The following SYNDIG1 variants were observed in gnomAD, a reference collection of about 807,000 sequenced individuals.
SYNDIG1 encodes synapse differentiation-inducing gene protein 1.
In SYNDIG1, 9 loss-of-function variants were observed where a neutral mutation model predicts 19.4. That is an observed-to-expected ratio of 0.46 (90% CI 0.28 to 0.81). SYNDIG1 has a LOEUF of 0.81. SYNDIG1 is among the 30% of genes least tolerant of loss of function. The pLI is 0.12. For missense variants in SYNDIG1, 311 were observed against 343.3 expected (o/e 0.91, Z 0.74); for synonymous variants, 141 against 145.9 (o/e 0.97, Z 0.24).
chr20:24,654,692 G>GGAAA (rs1568718681), intron 3 of SYNDIG1, among the ~76,000 whole-genome samples: 14 of 150,638 alleles, frequency 9.3e-5, no homozygotes, highest in African/African-American at 3.4e-4. Context: ...AAGGAAGGAA[G>GGAAA]GAAGGAAGAG....
intron 1 of SYNDIG1, among the ~76,000 whole-genome samples, chr20:24,483,574 G>C (rs906114981): frequency 6.6e-6 from 1 of 152,192 alleles, no homozygotes; most frequent in Non-Finnish European, 1.5e-5. Flanking sequence ...TTGAAAGAGC[G>C]TGCTCTGCAT....
chr20:24,510,841 C>A (rs1327675750), intron 1 of SYNDIG1, among the ~76,000 whole-genome samples: 1 of 152,166 alleles, frequency 6.6e-6, no homozygotes, highest in Non-Finnish European at 1.5e-5. Flanking sequence ...GAGACCTTCT[C>A]ATTTTTATCT....
Position 24,633,700 on chromosome 20 carries a change from C to T in SYNDIG1, c.619-31646C>T, listed in dbSNP as rs143458308. Among the ~76,000 whole-genome samples, 320 of 152,242 alleles carry T rather than the reference C, an allele frequency of 2.1e-3. 2 individuals are homozygous for T. The highest frequency in any genetic ancestry group is 7.2e-3 in the African/African-American group (301 of 41,522). The stretch of plus-strand genomic sequence containing the variant: ...CGTCAGCTCCCAAGACCTGCTGACT[C>T]GGAAGCTCTGGGGACGGGGCTGGCA... On this transcript the variant is annotated intron_variant, in intron 3 of 3. Coordinates refer to ENST00000376862, the MANE Select transcript of SYNDIG1 (RefSeq NM_024893.3).
At chr20:24,534,232 G>A (rs1330380558) in intron 1 of SYNDIG1, among the ~76,000 whole-genome samples, 1 of 152,166 alleles carries the variant, frequency 6.6e-6, no homozygotes, top group Non-Finnish European at 1.5e-5. Flanking sequence ...CCTGGTTGAT[G>A]TGACTTTGTC....
intron 3 of SYNDIG1, among the ~76,000 whole-genome samples, chr20:24,644,696 A>G (rs1671850408): frequency 6.6e-6 from 1 of 152,242 alleles, no homozygotes; most frequent in African/African-American, 2.4e-5. Flanking sequence ...TCAGCCCAGG[A>G]ACCAGCTATC....
At chr20:24,650,875 G>A (rs1366569958) in intron 3 of SYNDIG1, among the ~76,000 whole-genome samples, 2 of 152,010 alleles carry the variant, frequency 1.3e-5, no homozygotes, top group African/African-American at 2.4e-5. Context: ...TCACTCTGTA[G>A]CCCAGGCTGG....
At chr20:24,618,562 G>T (rs2058985989) in intron 3 of SYNDIG1, among the ~76,000 whole-genome samples, 1 of 152,062 alleles carries the variant, frequency 6.6e-6, no homozygotes, top group Admixed American at 6.5e-5. Flanking sequence ...TCTATACTCC[G>T]AGGAAAAAAA....
chr20:24,500,506 CTTTCTTTCTTTCTTTCTTTCTTTCTTCT>C (rs2056421166), intron 1 of SYNDIG1, among the ~76,000 whole-genome samples: 2 of 142,610 alleles, frequency 1.4e-5, no homozygotes, highest in African/African-American at 5.8e-5. Flanking sequence ...TTCTTTCTTT[CTTTCTTTCTTTCTTTCTTTCTTTCTTCT>C]TTCTTTCTTT....
intron 3 of SYNDIG1, among the ~76,000 whole-genome samples, chr20:24,624,970 C>G (rs1026620051): frequency 2.0e-5 from 3 of 152,052 alleles, no homozygotes; most frequent in African/African-American, 4.8e-5. Context: ...GAATAAATCT[C>G]AAGGAAAACT....
chr20:24,625,384 ATTTTTTTTTT>A (rs35759862), intron 3 of SYNDIG1, among the ~76,000 whole-genome samples: 3 of 115,278 alleles, frequency 2.6e-5, no homozygotes, highest in African/African-American at 3.4e-5. Flanking sequence ...TGCCTGGGAC[ATTTTTTTTTT>A]TTTTTTTTTT....
intron 1 of SYNDIG1, among the ~76,000 whole-genome samples, chr20:24,541,440 T>C (rs6049768): frequency 0.75 from 114,410 of 152,138 alleles, 43,601 homozygotes; most frequent in African/African-American, 0.88. Context: ...TAGAAAGAGA[T>C]TAAGAACTAG....
chr20:24,602,176 C>T (rs2058689193), intron 3 of SYNDIG1, among the ~76,000 whole-genome samples: 1 of 152,086 alleles, frequency 6.6e-6, no homozygotes, highest in Non-Finnish European at 1.5e-5. Context: ...CCCTGTGAGT[C>T]TGGGTGTTTG....
chr20:24,485,125 T>C (rs6049723), intron 1 of SYNDIG1, among the ~76,000 whole-genome samples: 22,569 of 152,224 alleles, frequency 0.15, 4,622 homozygotes, highest in African/African-American at 0.46. Context: ...GCCGGGGCCA[T>C]GGCCTTGAAC....
intron 2 of SYNDIG1, among the ~76,000 whole-genome samples, chr20:24,570,573 C>T (rs1468500905): frequency 6.6e-6 from 1 of 152,180 alleles, no homozygotes; most frequent in East Asian, 1.9e-4. Flanking sequence ...CATTAGCCAT[C>T]AGGGAAATGC....
rs13044835 is a variant in SYNDIG1, at chr20:24,476,184, T to C, written c.-79+6431T>C. 2.8e-3 allele frequency among the ~76,000 whole-genome samples: 432 copies of C among 151,842 alleles called. 1 individual carries two copies. The highest frequency in any genetic ancestry group is 0.01 in the African/African-American group (414 of 41,248). ...CCTAATGTGCATAGTATCTTAACAG[T>C]TTTTTTTCTTATATACTAAACCCAG... is the stretch of plus-strand genomic sequence containing the variant. On this transcript the variant is annotated intron_variant, in intron 1 of 3. Transcript: ENST00000376862.
chr20:24,607,350 G>A (rs1431718429), intron 3 of SYNDIG1, among the ~76,000 whole-genome samples: 3 of 129,386 alleles, frequency 2.3e-5, no homozygotes, highest in Non-Finnish European at 4.7e-5. Context: ...AACAGAGCAA[G>A]ACTCCGTCTC....
At chr20:24,627,087 C>T (rs1172850801) in intron 3 of SYNDIG1, among the ~76,000 whole-genome samples, 74 of 116,790 alleles carry the variant, frequency 6.3e-4, no homozygotes, top group African/African-American at 2.3e-3. Flanking sequence ...AGAGGGAGAC[C>T]GTGGGGAGAG....
chr20:24,610,976 C>A (rs1330539367), intron 3 of SYNDIG1, among the ~76,000 whole-genome samples: 2 of 152,180 alleles, frequency 1.3e-5, no homozygotes, highest in African/African-American at 2.4e-5. Context: ...AGAGGGGCAT[C>A]TTCTGTCTTC....
intron 1 of SYNDIG1, 97 bp from the exon 2 acceptor site, chr20:24,542,923 C>T (rs371864521): frequency 2.7e-5 from 24 of 902,248 alleles, no homozygotes; most frequent in South Asian, 1.6e-4. Flanking sequence ...ATGCGTTTAT[C>T]AGCTGGCTGG....
Sources: allele counts gnomAD v4.1 joint callset (sites outside exome capture counted in the v4.1 genomes callset), GRCh38; gene constraint gnomAD v4.1.1; transcripts MANE v1.5; gene names NCBI Gene and HGNC (gene_info 2026-07-23, HGNC 2026-07-21).